CRYZ: variants seen among roughly 807,000 people sequenced by gnomAD.
CRYZ encodes the protein zeta-crystallin.
A neutral mutation model predicts 34.1 loss-of-function variants in CRYZ; 35 were observed. The observed-to-expected ratio is 1.03, with a 90% confidence interval of 0.78 to 1.36. The LOEUF (loss-of-function observed/expected upper bound fraction) is 1.36, where lower values mean the gene tolerates loss of function less well. CRYZ is among the 40% of genes most tolerant of loss of function. The probability of loss-of-function intolerance (pLI) is 0.00; values close to 1 mark genes in which losing one functional copy is unlikely to be tolerated. For missense variants in CRYZ, 403 were observed against 391.8 expected (o/e 1.03, Z -0.24); for synonymous variants, 137 against 136.5 (o/e 1.00, Z -0.03).
chr1:74,732,073 TAGG>T (rs1440842576), intron 1 of CRYZ, among the ~76,000 whole-genome samples: 4 of 151,588 alleles, frequency 2.6e-5, no homozygotes, highest in Admixed American at 6.6e-5. Flanking sequence ...GGGCCCTACC[TAGG>T]AGAAGAAATC....
At chr1:74,716,260 T>A (rs1026100869) in intron 4 of CRYZ, among the ~76,000 whole-genome samples, 1 of 151,840 alleles carries the variant, frequency 6.6e-6, no homozygotes, top group African/African-American at 2.4e-5. Context: ...TATATAGAGA[T>A]AAATGATAGA....
chr1:74,719,742 C>T (rs1647130956), intron 3 of CRYZ, among the ~76,000 whole-genome samples: 1 of 152,026 alleles, frequency 6.6e-6, no homozygotes, highest in South Asian at 2.1e-4. Flanking sequence ...AATGTGCCCA[C>T]CTCGGCCTCC....
intron 4 of CRYZ, among the ~76,000 whole-genome samples, chr1:74,718,949 A>G (rs1647114663): frequency 6.6e-6 from 1 of 152,128 alleles, no homozygotes; most frequent in South Asian, 2.1e-4. Flanking sequence ...TACTTTCCAC[A>G]TTATATATAA....
intron 5 of CRYZ, among the ~76,000 whole-genome samples, chr1:74,711,561 G>C (rs1647003833): frequency 1.3e-5 from 2 of 152,330 alleles, no homozygotes; most frequent in Middle Eastern, 3.4e-3. Flanking sequence ...AGAGTGAGAA[G>C]ACTGGAGAAC....
intron 2 of CRYZ, among the ~76,000 whole-genome samples, chr1:74,724,288 A>C (rs1006019894): frequency 6.6e-6 from 1 of 152,238 alleles, no homozygotes; most frequent in Non-Finnish European, 1.5e-5. Flanking sequence ...GTATTGTTAA[A>C]GTCACTGGAG....
At chr1:74,724,905 G>A (rs1041197144) in intron 1 of CRYZ, 71 bp from the exon 2 acceptor site, 7 of 850,826 alleles carry the variant, frequency 8.2e-6, no homozygotes, top group Middle Eastern at 2.3e-4. Flanking sequence ...CCCCCCTGGA[G>A]GGAGCAGATC....
At chr1:74,718,140 C>CTACT (rs1647102182) in intron 4 of CRYZ, among the ~76,000 whole-genome samples, 1 of 152,088 alleles carries the variant, frequency 6.6e-6, no homozygotes, top group Non-Finnish European at 1.5e-5. Flanking sequence ...GAAAGCTGGA[C>CTACT]TACTCTTAAG....
At position 74,719,037 on chromosome 1, in the gene CRYZ, T is replaced by C. The variant is rs78555565; in HGVS notation, c.428+172A>G. ...CAGTGTTTGCTCTTCTTTGTATCCC[T>C]AGTGATTAGCACAATTCCCCAAATT... On this transcript the variant is annotated intron_variant, in intron 4 of 8. Coordinates refer to ENST00000340866, the MANE Select transcript of CRYZ (RefSeq NM_001889.4). 2.0e-5 allele frequency among the ~76,000 whole-genome samples: 3 copies of C among 152,262 alleles called. No homozygotes were observed. The East Asian group carries it at 5.8e-4, about 29-fold the overall frequency.
intron 2 of CRYZ, 135 bp downstream of exon 2, chr1:74,724,576 A>T (rs1461381728): frequency 5.3e-6 from 3 of 567,946 alleles, no homozygotes; most frequent in African/African-American, 3.9e-5. Context: ...CAATGTCCAT[A>T]TGTATACATA....
intron 1 of CRYZ, among the ~76,000 whole-genome samples, chr1:74,731,399 G>A (rs1336550974): frequency 6.6e-6 from 1 of 152,100 alleles, no homozygotes; most frequent in Non-Finnish European, 1.5e-5. Flanking sequence ...TTTAAAAACT[G>A]AAAACTTAGA....
At chr1:74,707,398 C>G (rs1229831089) in intron 6 of CRYZ, 194 bp from the exon 7 acceptor site, 2 of 415,738 alleles carry the variant, frequency 4.8e-6, no homozygotes, top group African/African-American at 4.2e-5. Context: ...GCCAGAACAT[C>G]TAAACTGATA....
intron 4 of CRYZ, among the ~76,000 whole-genome samples, chr1:74,718,645 C>T (rs1209396855): frequency 6.6e-6 from 1 of 152,090 alleles, no homozygotes; most frequent in Non-Finnish European, 1.5e-5. Flanking sequence ...TGTCCTCTCT[C>T]CTTCTAGTTA....
chr1:74,724,661 G>A (rs966960165), intron 2 of CRYZ, 50 bp downstream of exon 2: 6 of 1,122,186 alleles, frequency 5.3e-6, no homozygotes, highest in Non-Finnish European at 6.6e-6. Context: ...ATGTGCAAGA[G>A]ACTCACACTC....
Position 74,714,586 on chromosome 1 carries a change from C to T in CRYZ, c.473G>A (p.Ser158Asn). Residue 158 changes from serine to asparagine, a missense_variant, in exon 5 of 9, where the codon AGT becomes AAT. Transcript: ENST00000340866. ...ATTAAAAAAAATACTTACTCCTCCACTTGCCCCATGAACCAGAACACTCTC... is the reference window on the plus strand; with the variant it reads ...ATTAAAAAAAATACTTACTCCTCCATTTGCCCCATGAACCAGAACACTCTC... The part of the protein sequence containing the change: ...AGESVLVHGA[S>N]GGVGLAACQI... 1.9e-6 allele frequency: 3 copies of T among 1,613,698 alleles called. No individual in the cohort carries two copies. Among genetic ancestry groups the T allele is most frequent in the Non-Finnish European group, 2.5e-6 (3 of 1,179,706 alleles).
At chr1:74,715,923 T>TTC (rs1647066584) in intron 4 of CRYZ, among the ~76,000 whole-genome samples, 1 of 151,558 alleles carries the variant, frequency 6.6e-6, no homozygotes, top group Admixed American at 6.6e-5. Flanking sequence ...TTTTTTTTTT[T>TTC]CGAATGAGAT....
intron 8 of CRYZ, 68 bp downstream of exon 8, chr1:74,706,831 A>C: frequency 7.7e-7 from 1 of 1,305,994 alleles, no homozygotes; most frequent in East Asian, 2.3e-5. Flanking sequence ...TCAAACTTTC[A>C]GCTTGCCTGA....
At chr1:74,714,294 T>C (rs1208000326) in intron 5 of CRYZ, among the ~76,000 whole-genome samples, 1 of 152,018 alleles carries the variant, frequency 6.6e-6, no homozygotes, top group African/African-American at 2.4e-5. Context: ...CATATGCTAC[T>C]TGAAGGCAAA....
intron 6 of CRYZ, chr1:74,708,918 G>C (rs551928505): frequency 5.3e-4 from 80 of 152,252 alleles, no homozygotes; most frequent in African/African-American, 1.9e-3. Flanking sequence ...AAAGTAAGAA[G>C]AGAACCTGTT....
In CRYZ at chr1:74,731,850, G is replaced by A. The variant is rs113322523; in HGVS notation, c.-14+1106C>T. Among the ~76,000 whole-genome samples, 686 of 152,226 alleles carry A rather than the reference G, an allele frequency of 4.5e-3. 8 individuals carry two copies. The highest frequency in any genetic ancestry group is 0.016 in the African/African-American group (661 of 41,520). On this transcript the variant is annotated intron_variant, in intron 1 of 8. Transcript: ENST00000340866. ...TTCCCTGGTCACTGAGTCTCCTCTA[G>A]AAACTCAGTATAAACATCCAACGAT... is the stretch of plus-strand genomic sequence containing the variant.
Sources: allele counts gnomAD v4.1 joint callset (sites outside exome capture counted in the v4.1 genomes callset), GRCh38; gene constraint gnomAD v4.1.1; transcripts MANE v1.5; gene names NCBI Gene and HGNC (gene_info 2026-07-23, HGNC 2026-07-21).